The following ARHGAP24 variants were observed in gnomAD, a reference collection of about 807,000 sequenced individuals.
ARHGAP24 encodes Rho GTPase activating protein 24, also known as rho GTPase-activating protein 24.
ARHGAP24 carries 50 observed loss-of-function variants against 76.4 expected under a neutral mutation model. The ratio of observed to expected loss-of-function variants is 0.65; its 90% CI spans 0.52 to 0.83. ARHGAP24 has a LOEUF of 0.83. Among genes scored for constraint, ARHGAP24 ranks in the 40% least tolerant of loss-of-function variants. ARHGAP24 has a pLI of 0.00. For synonymous variants in ARHGAP24, 345 were observed against 323.3 expected (o/e 1.07, Z -0.72); for missense variants, 930 against 914.2 (o/e 1.02, Z -0.22).
At chr4:85,737,724 G>A (rs560666840) in intron 3 of ARHGAP24, among the ~76,000 whole-genome samples, 2 of 152,142 alleles carry the variant, frequency 1.3e-5, no homozygotes, top group East Asian at 3.9e-4. Flanking sequence ...TCACTTATTT[G>A]AAAATATGAA....
chr4:85,931,027 T>C, intron 4 of ARHGAP24: 1 of 1,612,682 alleles, frequency 6.2e-7, no homozygotes, highest in South Asian at 1.1e-5. Context: ...CAAACGGTGT[T>C]TTAGTTTTCG....
At chr4:85,777,767 T>G (rs1370715454) in intron 3 of ARHGAP24, among the ~76,000 whole-genome samples, 1 of 105,380 alleles carries the variant, frequency 9.5e-6, no homozygotes, top group African/African-American at 3.0e-5. Flanking sequence ...TCGATAAATA[T>G]TTGTTAAATA....
intron 3 of ARHGAP24, among the ~76,000 whole-genome samples, chr4:85,779,388 C>T (rs1383173633): frequency 6.6e-6 from 1 of 152,044 alleles, no homozygotes; most frequent in Admixed American, 6.6e-5. Context: ...AATATGGAGC[C>T]AATCAGACAA....
intron 1 of ARHGAP24, among the ~76,000 whole-genome samples, chr4:85,564,946 ATATATATATATATATATATATATAC>A (rs1396262354): frequency 9.5e-6 from 1 of 105,138 alleles, no homozygotes; most frequent in African/African-American, 4.9e-5. Flanking sequence ...ATATATATAT[ATATATATATATATATATATATATAC>A]CCACACCCAC....
At chr4:85,931,130 G>C in intron 4 of ARHGAP24, 1 of 1,392,016 alleles carries the variant, frequency 7.2e-7, no homozygotes, top group South Asian at 1.4e-5. Flanking sequence ...AGATAAAATG[G>C]GAGTTTGGAA....
At chr4:85,727,487 G>A (rs1185529023) in intron 3 of ARHGAP24, among the ~76,000 whole-genome samples, 1 of 152,056 alleles carries the variant, frequency 6.6e-6, no homozygotes, top group Non-Finnish European at 1.5e-5. Context: ...TCATGAAAAA[G>A]TGGGGAGAAA....
At chr4:85,549,914 T>C (rs543702806) in intron 1 of ARHGAP24, among the ~76,000 whole-genome samples, 9 of 152,338 alleles carry the variant, frequency 5.9e-5, no homozygotes, top group South Asian at 2.1e-4. Context: ...TCCAGCTCTA[T>C]GTTGTTGCAA....
intron 3 of ARHGAP24, among the ~76,000 whole-genome samples, chr4:85,749,078 CCA>C (rs1726157721): frequency 6.6e-6 from 1 of 152,136 alleles, no homozygotes. Flanking sequence ...GGACTCCAGC[CCA>C]ACATGAAATT....
At chr4:85,503,810 G>C (rs554164575) in intron 1 of ARHGAP24, among the ~76,000 whole-genome samples, 2 of 152,134 alleles carry the variant, frequency 1.3e-5, no homozygotes, top group Non-Finnish European at 2.9e-5. Flanking sequence ...TGTGATGTTA[G>C]GGTGTCAATT....
rs1183020187 is a variant in ARHGAP24 at position 85,639,399 on chromosome 4, CT to C, written c.180+68679del. On this transcript the variant is annotated intron_variant, in intron 2 of 9. Coordinates refer to ENST00000395184, the MANE Select transcript of ARHGAP24 (RefSeq NM_001025616.3). Reference sequence around the variant, plus strand: ...CATTTATAAAAAAATCATTCAGGGGCTATAGAAGCAAAGGCACCCGATCTAA... The same window carrying C: ...CATTTATAAAAAAATCATTCAGGGGCATAGAAGCAAAGGCACCCGATCTAA... Among the ~76,000 whole-genome samples the C allele has an allele frequency of 2.0e-5, 3 of 151,962 alleles. No individual in the cohort carries two copies. In the East Asian group the frequency reaches 5.8e-4, roughly 29 times the overall value.
intron 3 of ARHGAP24, among the ~76,000 whole-genome samples, chr4:85,803,818 C>A (rs1728675917): frequency 6.6e-6 from 1 of 152,170 alleles, no homozygotes; most frequent in Non-Finnish European, 1.5e-5. Flanking sequence ...TTATTAGAGT[C>A]AGAGGCTCCT....
intron 3 of ARHGAP24, among the ~76,000 whole-genome samples, chr4:85,779,220 GGTTT>G (rs1351003715): frequency 6.6e-6 from 1 of 152,056 alleles, no homozygotes. Context: ...GCTTAGTTTA[GGTTT>G]GTTTCTTTGT....
At chr4:85,974,136 G>A (rs555727875) in intron 6 of ARHGAP24, among the ~76,000 whole-genome samples, 2 of 151,708 alleles carry the variant, frequency 1.3e-5, no homozygotes, top group South Asian at 2.1e-4. Flanking sequence ...GATTACAGGC[G>A]TGAGCCAATG....
chr4:85,716,930 T>G (rs1451176691), intron 2 of ARHGAP24, among the ~76,000 whole-genome samples: 1 of 152,096 alleles, frequency 6.6e-6, no homozygotes, highest in African/African-American at 2.4e-5. Context: ...GTCTCTCTTG[T>G]GCTCTTCTGA....
At chr4:85,506,031 T>G (rs1036733843) in intron 1 of ARHGAP24, among the ~76,000 whole-genome samples, 4 of 152,136 alleles carry the variant, frequency 2.6e-5, no homozygotes, top group African/African-American at 9.7e-5. Flanking sequence ...CAGACCCTGT[T>G]TGCCTGGGTA....
chr4:85,508,928 G>A (rs1385692752), intron 1 of ARHGAP24, among the ~76,000 whole-genome samples: 1 of 151,982 alleles, frequency 6.6e-6, no homozygotes, highest in Non-Finnish European at 1.5e-5. Flanking sequence ...CTCCCTGTGT[G>A]AGTCTTGCTT....
intron 3 of ARHGAP24, among the ~76,000 whole-genome samples, chr4:85,870,158 T>C (rs1732442184): frequency 6.6e-6 from 1 of 152,186 alleles, no homozygotes; most frequent in Non-Finnish European, 1.5e-5. Context: ...GTTATGTCAG[T>C]ATATCAGGAG....
chr4:85,828,108 C>A, intron 3 of ARHGAP24: 1 of 629,404 alleles, frequency 1.6e-6, no homozygotes, highest in Middle Eastern at 3.0e-4. Flanking sequence ...TTATTTATAC[C>A]CTTGTTTTCT....
At chr4:85,825,205 T>C (rs995993615) in intron 3 of ARHGAP24, among the ~76,000 whole-genome samples, 1 of 152,216 alleles carries the variant, frequency 6.6e-6, no homozygotes, top group Admixed American at 6.5e-5. Flanking sequence ...ACTTTTATTG[T>C]TTTTCAATTG....
Sources: gnomAD v4.1 joint callset for allele counts (sites outside exome capture counted in the v4.1 genomes callset) on GRCh38, gnomAD v4.1.1 for gene constraint, MANE v1.5 for transcripts, NCBI Gene and HGNC (gene_info 2026-07-23, HGNC 2026-07-21) for gene names.